The following MAP3K20 variants were observed in gnomAD, a reference collection of about 807,000 sequenced individuals.
The protein encoded by MAP3K20 is HCCS-4.
MAP3K20 carries 40 observed loss-of-function variants against 85.7 expected under a neutral mutation model. The ratio of observed to expected loss-of-function variants is 0.47; its 90% CI spans 0.36 to 0.61. MAP3K20 has a LOEUF of 0.61. Among genes scored for constraint, MAP3K20 ranks in the 20% least tolerant of loss-of-function variants. MAP3K20 has a pLI of 0.00. For synonymous variants in MAP3K20, 325 were observed against 327.7 expected, an observed-to-expected ratio of 0.99 and a Z score of 0.09; for missense variants, 817 against 961.7, an observed-to-expected ratio of 0.85 and a Z score of 1.99.
In MAP3K20 at chr2:173,084,150, C is replaced by T. The variant is rs527713152; in HGVS notation, c.-34-6848C>T. 4.9e-4 allele frequency among the ~76,000 whole-genome samples: 74 copies of T among 152,256 alleles called. 1 individual carries two copies. The South Asian group carries it at 0.015, about 30-fold the overall frequency. On this transcript the variant is annotated intron_variant, in intron 1 of 19. Coordinates refer to ENST00000375213, the MANE Select transcript of MAP3K20 (RefSeq NM_016653.3). Reference sequence around the variant, plus strand: ...GTTGCCCCAGCTGAGCTCAAGTGATCCTCCAACCTCTGCTTCCCAAAATGC... The same window carrying T: ...GTTGCCCCAGCTGAGCTCAAGTGATTCTCCAACCTCTGCTTCCCAAAATGC...
intron 2 of MAP3K20, among the ~76,000 whole-genome samples, chr2:173,114,620 ATTTG>A: frequency 6.6e-6 from 1 of 152,258 alleles, no homozygotes. Context: ...TTCTCTCAGA[ATTTG>A]TTTGTCTGAA....
chr2:173,232,094 A>G, intron 12 of MAP3K20, 98 bp from the exon 13 acceptor site: 1 of 1,437,668 alleles, frequency 7.0e-7, no homozygotes. Flanking sequence ...CCAGGAATTA[A>G]AGTTATTTTG....
At chr2:173,193,440 A>G (rs1320183140) in intron 7 of MAP3K20, among the ~76,000 whole-genome samples, 2 of 152,176 alleles carry the variant, frequency 1.3e-5, no homozygotes, top group Non-Finnish European at 2.9e-5. Context: ...ATTATTTCAT[A>G]TATGAAAACA....
intron 2 of MAP3K20, among the ~76,000 whole-genome samples, chr2:173,127,149 C>T (rs976029721): frequency 2.6e-5 from 4 of 152,162 alleles, no homozygotes; most frequent in Non-Finnish European, 4.4e-5. Flanking sequence ...CACCCAGTGA[C>T]CATTTCTAAT....
intron 10 of MAP3K20, among the ~76,000 whole-genome samples, chr2:173,215,184 T>G (rs192240365): frequency 7.2e-4 from 109 of 152,348 alleles, no homozygotes; most frequent in African/African-American, 2.5e-3. Context: ...TCAGTCAATC[T>G]GTCTCACTGG....
intron 3 of MAP3K20, among the ~76,000 whole-genome samples, chr2:173,170,256 T>C (rs987192900): frequency 1.3e-5 from 2 of 152,222 alleles, no homozygotes; most frequent in African/African-American, 4.8e-5. Flanking sequence ...GAGCTATTCA[T>C]GTTGTAATTC....
At chr2:173,081,832 G>A (rs541124996) in intron 1 of MAP3K20, among the ~76,000 whole-genome samples, 12 of 152,280 alleles carry the variant, frequency 7.9e-5, no homozygotes. Flanking sequence ...CTTTATAGTA[G>A]ATTAGTCATC....
chr2:173,224,315 A>G, intron 11 of MAP3K20: 2 of 985,400 alleles, frequency 2.0e-6, no homozygotes, highest in Non-Finnish European at 2.4e-6. Context: ...CTGGAGTCTC[A>G]TTTAAGAATG....
chr2:173,227,865 T>C (rs1272289434), intron 11 of MAP3K20, among the ~76,000 whole-genome samples: 2 of 152,206 alleles, frequency 1.3e-5, no homozygotes, highest in African/African-American at 4.8e-5. Flanking sequence ...CAAAAAAGTT[T>C]CGTATTTCAC....
intron 2 of MAP3K20, among the ~76,000 whole-genome samples, chr2:173,092,751 A>G (rs751779005): frequency 6.6e-6 from 1 of 152,178 alleles, no homozygotes; most frequent in Non-Finnish European, 1.5e-5. Flanking sequence ...ACAGATTTTG[A>G]TAGGAAAATA....
At chr2:173,085,984 TG>T (rs1238555368) in intron 1 of MAP3K20, among the ~76,000 whole-genome samples, 1 of 151,670 alleles carries the variant, frequency 6.6e-6, no homozygotes, top group East Asian at 1.9e-4. Flanking sequence ...TTAGTAGAGA[TG>T]GGGTTTTGCC....
chr2:173,165,280 A>G (rs35339538), intron 2 of MAP3K20, among the ~76,000 whole-genome samples: 75,636 of 151,574 alleles, frequency 0.5, 21,842 homozygotes, highest in South Asian at 0.69. Flanking sequence ...AGCTGGGTGT[A>G]GTGGTGCGTG....
At position 173,223,369 on chromosome 2, in the gene MAP3K20, T is replaced by C. The variant is rs975917708; in HGVS notation, c.987+6119T>C. 4 of 885,718 alleles carry C rather than the reference T, an allele frequency of 4.5e-6. No homozygotes were observed. The African/African-American group carries it at 7.3e-5, about 16-fold the overall frequency. 54.9% of individuals were successfully genotyped at this position (885,718 alleles called of 1,614,324 possible). On this transcript the variant is annotated intron_variant, in intron 11 of 19. Coordinates refer to ENST00000375213, the MANE Select transcript of MAP3K20 (RefSeq NM_016653.3). The stretch of plus-strand genomic sequence containing the variant: ...AACAGTACCTACTTGAAAGGATCAT[T>C]GTGCGGATTAAAAGAAATAATATAT...
In MAP3K20 at chr2:173,090,817, C is replaced by G. The variant is rs534568778; in HGVS notation, c.-34-181C>G. ...CTGGGCAGGTTGTTGTTGAATTTTG[C>G]GTGGGCTGCCAGGGTGAGTGTTTTC... On this transcript the variant is annotated intron_variant, in intron 1 of 19. Coordinates refer to ENST00000375213, the MANE Select transcript of MAP3K20 (RefSeq NM_016653.3). 20 of 1,230,456 alleles carry G rather than the reference C, an allele frequency of 1.6e-5. 1 individual carries two copies. The South Asian group carries it at 4.8e-4, about 30-fold the overall frequency. 76.2% of individuals were successfully genotyped at this position (1,230,456 alleles called of 1,614,324 possible).
rs1687511054 is a variant in MAP3K20 at position 173,097,960 on chromosome 2, CCCTT to C, written c.159+6772_159+6775del. Among the ~76,000 whole-genome samples the C allele has an allele frequency of 2.6e-5, 4 of 152,138 alleles. 1 individual carries two copies. The South Asian group carries it at 8.3e-4, about 32-fold the overall frequency. Reference sequence around the variant, plus strand: ...ACTTTATTAGCTCATGGGAGGGAGACCCTTCTTCTTTTCTATGCAGTTCTGTTGC... The same window carrying C: ...ACTTTATTAGCTCATGGGAGGGAGACCTTCTTTTCTATGCAGTTCTGTTGC... On this transcript the variant is annotated intron_variant, in intron 2 of 19. Coordinates refer to ENST00000375213, the MANE Select transcript of MAP3K20 (RefSeq NM_016653.3).
At chr2:173,156,254 C>CT (rs1387728998) in intron 2 of MAP3K20, among the ~76,000 whole-genome samples, 2 of 152,166 alleles carry the variant, frequency 1.3e-5, no homozygotes, top group Admixed American at 1.3e-4. Context: ...TTATAAAACT[C>CT]TATCTTGTTT....
rs1324214911 is a variant in MAP3K20, at chr2:173,217,241, C to G, written c.978C>G (p.Ser326=). ...KMWEQKLTEQ[S]NTPLLPSFEI... Reference sequence around the variant, plus strand: ...GGGAGCAAAAGCTGACAGAGCAGTCCAACACCCCGGTGAGTACCCTCCCCC... The same window carrying G: ...GGGAGCAAAAGCTGACAGAGCAGTCGAACACCCCGGTGAGTACCCTCCCCC... Residue 326 remains serine, a synonymous_variant, in exon 11 of 20, where the codon TCC becomes TCG. Transcript: ENST00000375213. The G allele has an allele frequency of 6.3e-7, 1 of 1,582,484 alleles. No homozygotes were observed. The highest frequency in any genetic ancestry group is 1.4e-5 in the African/African-American group (1 of 73,694).
chr2:173,101,636 G>A (rs76576450), intron 2 of MAP3K20, among the ~76,000 whole-genome samples: 3,117 of 152,248 alleles, frequency 0.02, 56 homozygotes, highest in Admixed American at 0.041. Context: ...GAAACTCAAA[G>A]CCTAATATAG....
intron 2 of MAP3K20, chr2:173,166,954 C>T (rs1486256444): frequency 1.4e-5 from 2 of 144,898 alleles, no homozygotes; most frequent in Admixed American, 7.1e-5. Flanking sequence ...GCTCTTTCGC[C>T]CAGGCTGGAC....
Sources: allele counts gnomAD v4.1 joint callset (sites outside exome capture counted in the v4.1 genomes callset), GRCh38; gene constraint gnomAD v4.1.1; transcripts MANE v1.5; gene names NCBI Gene and HGNC (gene_info 2026-07-23, HGNC 2026-07-21).